Variants in SRD5A2 observed in about 807,000 individuals in gnomAD.
SRD5A2 encodes the protein 3-oxo-5-alpha-steroid 4-dehydrogenase 2.
Under a neutral mutation model 27.4 loss-of-function variants are expected in SRD5A2, and 30 were observed. That is an observed-to-expected ratio of 1.10 (90% confidence interval 0.82 to 1.49). The LOEUF is 1.49. Ranked by LOEUF, SRD5A2 falls within the 40% of genes most tolerant of loss-of-function variation. SRD5A2 has a pLI of 0.00. For synonymous variants in SRD5A2, 141 were observed against 133.6 expected, an observed-to-expected ratio of 1.06 and a Z score of -0.38; for missense variants, 348 against 323.4, an observed-to-expected ratio of 1.08 and a Z score of -0.58.
At chr2:31,622,691 T>C in the SRD5A2 span, among the ~76,000 whole-genome samples, 1 of 152,088 alleles carries the variant, frequency 6.6e-6, no homozygotes, top group East Asian at 1.9e-4. Flanking sequence ...CAGAAAGCTG[T>C]AGTAGATCAG....
At position 31,533,731 on chromosome 2, in the gene SRD5A2, G is replaced by A. The variant is rs747979984; in HGVS notation, c.317C>T (p.Pro106Leu). 6.2e-7 allele frequency: 1 copy of A among 1,602,588 alleles called. No individual in the cohort carries two copies. The highest frequency in any genetic ancestry group is 1.1e-5 in the South Asian group (1 of 88,008). Residue 106 changes from proline to leucine, a missense_variant, in exon 2 of 5, where the codon CCT becomes CTT. Physicochemically the swap from Pro to Leu is moderately conservative, Grantham distance 98. Transcript: ENST00000622030. ...TCTGAGAATGAGTATAGCTGGATAA[G>A]GCCTCCCTCGATTGAGCAGTGAGTA... The part of the protein sequence containing the change: ...FVYSLLNRGR[P>L]YPAILILRGT...
At chr2:31,572,345 A>G (rs1572655051) in intron 1 of SRD5A2, among the ~76,000 whole-genome samples, 1 of 152,198 alleles carries the variant, frequency 6.6e-6, no homozygotes, top group East Asian at 1.9e-4. Flanking sequence ...AAAAATACCT[A>G]TCGGGTAGTA....
chr2:31,552,836 G>A (rs1259922655), intron 1 of SRD5A2, among the ~76,000 whole-genome samples: 1 of 152,088 alleles, frequency 6.6e-6, no homozygotes, highest in Non-Finnish European at 1.5e-5. Flanking sequence ...TTTCAAATGT[G>A]CAGACACCAA....
At chr2:31,599,564 G>T in the SRD5A2 span, among the ~76,000 whole-genome samples, 4 of 151,898 alleles carry the variant, frequency 2.6e-5, no homozygotes, top group Admixed American at 6.6e-5. Flanking sequence ...TGAACAGTGG[G>T]CCAATGAAAA....
chr2:31,544,515 GACA>G (rs1217668939), intron 1 of SRD5A2, among the ~76,000 whole-genome samples: 2 of 151,840 alleles, frequency 1.3e-5, no homozygotes, highest in African/African-American at 4.8e-5. Flanking sequence ...GAATGAAAAT[GACA>G]ACATAACATA....
upstream of SRD5A2, among the ~76,000 whole-genome samples, chr2:31,582,192 G>A (rs1180901826): frequency 5.3e-5 from 8 of 151,954 alleles, no homozygotes; most frequent in Non-Finnish European, 8.8e-5. Flanking sequence ...CCTTACTTTG[G>A]AGGTCTCTTC....
the SRD5A2 span, among the ~76,000 whole-genome samples, chr2:31,600,897 G>A: frequency 1.3e-5 from 2 of 151,868 alleles, no homozygotes; most frequent in South Asian, 4.1e-4. Flanking sequence ...ATGCAAGGAT[G>A]GCTAAACATA....
At chr2:31,604,379 G>A in the SRD5A2 span, among the ~76,000 whole-genome samples, 1 of 151,560 alleles carries the variant, frequency 6.6e-6, no homozygotes, top group Admixed American at 6.6e-5. Context: ...CTCATATTTA[G>A]AAAAATTAAA....
At chr2:31,626,041 C>T in the SRD5A2 span, among the ~76,000 whole-genome samples, 1 of 152,124 alleles carries the variant, frequency 6.6e-6, no homozygotes, top group East Asian at 1.9e-4. Flanking sequence ...TTTCGTTGAG[C>T]AGTGGTTTGT....
the SRD5A2 span, among the ~76,000 whole-genome samples, chr2:31,636,311 T>G: frequency 6.6e-6 from 1 of 152,120 alleles, no homozygotes; most frequent in African/African-American, 2.4e-5. Context: ...TAAATGAGGT[T>G]GCATTCTTTA....
At chr2:31,575,466 A>G (rs1005284926) in intron 1 of SRD5A2, among the ~76,000 whole-genome samples, 1 of 152,224 alleles carries the variant, frequency 6.6e-6, no homozygotes, top group African/African-American at 2.4e-5. Flanking sequence ...GCCTATTATG[A>G]AAGCCCAAAG....
the SRD5A2 span, among the ~76,000 whole-genome samples, chr2:31,632,540 A>T: frequency 6.6e-6 from 1 of 152,116 alleles, no homozygotes; most frequent in African/African-American, 2.4e-5. Flanking sequence ...CCATGCCATC[A>T]CCCTCACAGA....
chr2:31,601,637 C>G, the SRD5A2 span, among the ~76,000 whole-genome samples: 804 of 152,020 alleles, frequency 5.3e-3, 6 homozygotes, highest in African/African-American at 0.018. Context: ...AATATCCCTG[C>G]TGAGCACTGA....
At chr2:31,575,938 CAG>C (rs567689192) in intron 1 of SRD5A2, among the ~76,000 whole-genome samples, 2 of 152,208 alleles carry the variant, frequency 1.3e-5, no homozygotes, top group South Asian at 2.1e-4. Context: ...GAAGACCAAT[CAG>C]AGAGTTTAGA....
chr2:31,658,322 A>T, the SRD5A2 span, among the ~76,000 whole-genome samples: 1 of 152,078 alleles, frequency 6.6e-6, no homozygotes, highest in Non-Finnish European at 1.5e-5. Context: ...AGGAATGAGA[A>T]AAACAAGAGC....
At chr2:31,604,095 A>C in the SRD5A2 span, among the ~76,000 whole-genome samples, 2 of 151,934 alleles carry the variant, frequency 1.3e-5, no homozygotes, top group South Asian at 4.2e-4. Flanking sequence ...CTTCATAATA[A>C]AATTGCTCAA....
intron 1 of SRD5A2, among the ~76,000 whole-genome samples, chr2:31,574,939 G>A (rs566271145): frequency 4.6e-5 from 7 of 152,242 alleles, no homozygotes; most frequent in East Asian, 3.9e-4. Context: ...CTGCTTTCCC[G>A]CTATAACAGT....
the SRD5A2 span, among the ~76,000 whole-genome samples, chr2:31,611,460 T>G: frequency 6.6e-6 from 1 of 152,192 alleles, no homozygotes; most frequent in Non-Finnish European, 1.5e-5. Flanking sequence ...ACAAAGGATA[T>G]GTATCCATCA....
At chr2:31,581,988 T>C (rs919566077), upstream of SRD5A2, among the ~76,000 whole-genome samples, 3 of 152,126 alleles carry the variant, frequency 2.0e-5, no homozygotes, top group Non-Finnish European at 4.4e-5. Flanking sequence ...CTCCTCTGTT[T>C]CCCAACCCTT....
Sources: gnomAD v4.1 joint callset for allele counts (sites outside exome capture counted in the v4.1 genomes callset) on GRCh38, gnomAD v4.1.1 for gene constraint, MANE v1.5 for transcripts, NCBI Gene and HGNC (gene_info 2026-07-23, HGNC 2026-07-21) for gene names.